The following ZMYM1 variants were observed in gnomAD, a reference collection of about 807,000 sequenced individuals.
ZMYM1 encodes the protein zinc finger MYM-type containing 1, also known as zinc finger MYM-type protein 1.
ZMYM1 carries 39 observed loss-of-function variants against 60.0 expected under a neutral mutation model. That is an observed-to-expected ratio of 0.65 (90% confidence interval 0.50 to 0.85). ZMYM1 has a LOEUF of 0.85. Among genes scored for constraint, ZMYM1 ranks in the 40% least tolerant of loss-of-function variants. ZMYM1 has a pLI of 0.00. For synonymous variants in ZMYM1, 413 were observed against 454.0 expected (o/e 0.91, Z 1.15); for missense variants, 1,171 against 1,309.5 (o/e 0.89, Z 1.63).
chr1:35,106,202 G>GT (rs1160453444), intron 6 of ZMYM1, among the ~76,000 whole-genome samples: 18 of 152,292 alleles, frequency 1.2e-4, no homozygotes, highest in Admixed American at 1.2e-3. Context: ...CTCTGGGTGG[G>GT]TGCTTCTGAG....
chr1:35,062,306 G>A (rs1641891146), intron 1 of ZMYM1, among the ~76,000 whole-genome samples: 1 of 152,196 alleles, frequency 6.6e-6, no homozygotes, highest in Non-Finnish European at 1.5e-5. Flanking sequence ...TTAGAAGCAA[G>A]TTGTCAACAG....
chr1:35,079,370 C>G (rs1375013948), upstream of ZMYM1: 1 of 152,060 alleles, frequency 6.6e-6, no homozygotes, highest in East Asian at 1.9e-4. Flanking sequence ...GGGAGAGGGG[C>G]GGGGTCGGCG....
chr1:35,118,015 G>A (rs142508911), downstream of ZMYM1, among the ~76,000 whole-genome samples: 4,914 of 151,658 alleles, frequency 0.032, 119 homozygotes, highest in Non-Finnish European at 0.044. Context: ...TAAGGCAGGC[G>A]GATCACAAGG....
intron 4 of ZMYM1, among the ~76,000 whole-genome samples, chr1:35,102,411 T>C (rs2971412): frequency 0.88 from 134,492 of 152,126 alleles, 59,676 homozygotes; most frequent in Non-Finnish European, 0.93. Context: ...ACTGGTTCAC[T>C]GAGTTCTGCA....
At chr1:35,089,040 C>A (rs1642843770) in intron 1 of ZMYM1, among the ~76,000 whole-genome samples, 1 of 151,894 alleles carries the variant, frequency 6.6e-6, no homozygotes, top group African/African-American at 2.4e-5. Flanking sequence ...TCTTGAACTC[C>A]CGACCTCCTC....
intron 6 of ZMYM1, among the ~76,000 whole-genome samples, chr1:35,109,388 G>A (rs1312392399): frequency 6.6e-6 from 1 of 152,140 alleles, no homozygotes; most frequent in African/African-American, 2.4e-5. Flanking sequence ...AGAATAGGTG[G>A]TGAGCATAAT....
At chr1:35,100,118 G>A (rs540904221) in intron 4 of ZMYM1, among the ~76,000 whole-genome samples, 19 of 151,602 alleles carry the variant, frequency 1.3e-4, no homozygotes, top group Admixed American at 9.2e-4. Context: ...CTCGAACTCC[G>A]GACCTCAGGT....
chr1:35,077,728 C>T (rs1247428239), upstream of ZMYM1, among the ~76,000 whole-genome samples: 2 of 152,204 alleles, frequency 1.3e-5, no homozygotes, highest in African/African-American at 4.8e-5. Flanking sequence ...ATCAGCGCTT[C>T]TGGCTCACTG....
chr1:35,093,835 C>A, intron 1 of ZMYM1, 79 bp from the exon 2 acceptor site: 1 of 506,206 alleles, frequency 2.0e-6, no homozygotes, highest in Non-Finnish European at 3.5e-6. Context: ...GTCTAAAGAC[C>A]CTTTTGTGGT....
intron 1 of ZMYM1, among the ~76,000 whole-genome samples, chr1:35,072,263 A>G (rs980350724): frequency 6.6e-6 from 1 of 152,126 alleles, no homozygotes; most frequent in Non-Finnish European, 1.5e-5. Context: ...TGCTCTGTTC[A>G]GATTTTCTAT....
Position 35,111,925 on chromosome 1 carries a change from G to A in ZMYM1, c.1102+13G>A, listed in dbSNP as rs747725570. ...GATGTCTTACAAGGTAAAAGTTGAT[G>A]TTAAGATATTTGACATAAATATTGT... On this transcript the variant is annotated intron_variant, in intron 8 of 9. Transcript: ENST00000359858. 6 of 1,575,126 alleles carry A rather than the reference G, an allele frequency of 3.8e-6. No homozygotes were observed. In the South Asian group the frequency reaches 7.1e-5, roughly 19 times the overall value.
chr1:35,060,489 G>A (rs1376822796), intron 1 of ZMYM1, among the ~76,000 whole-genome samples: 2 of 152,058 alleles, frequency 1.3e-5, no homozygotes, highest in African/African-American at 4.8e-5. Flanking sequence ...GAATAGAGGA[G>A]GGATTGATTA....
At chr1:35,085,249 G>A (rs1377850009) in intron 1 of ZMYM1, among the ~76,000 whole-genome samples, 2 of 152,060 alleles carry the variant, frequency 1.3e-5, no homozygotes, top group South Asian at 2.1e-4. Context: ...GGGTTTCACC[G>A]TGTTAGCCAG....
intron 1 of ZMYM1, among the ~76,000 whole-genome samples, chr1:35,068,363 G>T (rs1569842190): frequency 6.8e-6 from 1 of 147,376 alleles, no homozygotes; most frequent in South Asian, 2.1e-4. Flanking sequence ...AGGTTGCAGT[G>T]AGCCAAGATC....
chr1:35,088,263 C>T (rs1274631470), intron 1 of ZMYM1, among the ~76,000 whole-genome samples: 1 of 151,360 alleles, frequency 6.6e-6, no homozygotes, highest in Non-Finnish European at 1.5e-5. Context: ...ACTAAAAATA[C>T]AAAAATTAGC....
At chr1:35,090,058 A>G (rs1463454420) in intron 1 of ZMYM1, among the ~76,000 whole-genome samples, 1 of 151,914 alleles carries the variant, frequency 6.6e-6, no homozygotes, top group African/African-American at 2.4e-5. Flanking sequence ...GACACCTGCC[A>G]CCACGCCCGG....
chr1:35,098,629 G>A (rs747090430), intron 4 of ZMYM1, among the ~76,000 whole-genome samples: 58 of 152,084 alleles, frequency 3.8e-4, no homozygotes, highest in South Asian at 1.0e-3. Flanking sequence ...TTCTCAGGCT[G>A]GGAGCAGTGG....
intron 1 of ZMYM1, among the ~76,000 whole-genome samples, chr1:35,089,573 T>TA (rs1168616560): frequency 6.6e-6 from 1 of 152,142 alleles, no homozygotes; most frequent in African/African-American, 2.4e-5. Flanking sequence ...GTCTTTCATG[T>TA]ACTAACCCAG....
At chr1:35,104,192 A>C in intron 4 of ZMYM1, 103 bp from the exon 5 acceptor site, 1 of 1,078,332 alleles carries the variant, frequency 9.3e-7, no homozygotes, top group Non-Finnish European at 1.3e-6. Flanking sequence ...TTCTTATTTC[A>C]AGGCTAATGT....
Sources: gnomAD v4.1 joint callset for allele counts (sites outside exome capture counted in the v4.1 genomes callset) on GRCh38, gnomAD v4.1.1 for gene constraint, MANE v1.5 for transcripts, NCBI Gene and HGNC (gene_info 2026-07-23, HGNC 2026-07-21) for gene names.